ELF1: variants seen among roughly 807,000 people sequenced by gnomAD.
The protein encoded by ELF1 is ETS-related transcription factor Elf-1.
Under a neutral mutation model 59.9 loss-of-function variants are expected in ELF1, and 24 were observed. That is an observed-to-expected ratio of 0.40 (90% CI 0.29 to 0.56). The LOEUF (loss-of-function observed/expected upper bound fraction) is 0.56, where lower values mean the gene tolerates loss of function less well. Ranked by LOEUF, ELF1 falls within the 20% of genes least tolerant of loss-of-function variation. The probability of loss-of-function intolerance (pLI) is 0.44; values close to 1 mark genes in which losing one functional copy is unlikely to be tolerated. For synonymous variants in ELF1, 248 were observed against 266.2 expected (o/e 0.93, Z 0.67); for missense variants, 627 against 742.2 (o/e 0.84, Z 1.80).
rs1871617815 is a variant in ELF1 at position 40,958,768 on chromosome 13, T to C, written c.253+68A>G. 7 of 1,479,970 alleles carry C rather than the reference T, an allele frequency of 4.7e-6. No homozygotes were observed. The South Asian group carries it at 1.0e-4, about 22-fold the overall frequency. The allele number at this position is 1,479,970 out of a possible 1,614,324, so 91.7% of individuals were successfully genotyped here. The stretch of plus-strand genomic sequence containing the variant: ...GTTAGGGGCGTTTTATGCCCCCACA[T>C]CCTCAGGATTAGGACACTGCCTAAA... On this transcript the variant is annotated intron_variant, in intron 3 of 8. Transcript: ENST00000239882.
chr13:40,972,596 A>C (rs769981212), intron 2 of ELF1, among the ~76,000 whole-genome samples: 2 of 152,224 alleles, frequency 1.3e-5, no homozygotes, highest in Non-Finnish European at 2.9e-5. Context: ...TTCTTGATTT[A>C]TCTCAGGTCA....
At chr13:41,029,508 A>G (rs573197670) in intron 1 of ELF1, among the ~76,000 whole-genome samples, 1 of 152,144 alleles carries the variant, frequency 6.6e-6, no homozygotes, top group Admixed American at 6.5e-5. Flanking sequence ...CAGCCTCCCG[A>G]GTAGCTGGGA....
chr13:41,016,977 T>TATATATAC lies in ELF1; in HGVS notation c.-229+2250_-229+2251insGTATATAT, dbSNP rs1875443639. ...ATATATATATATATATATATATATA[T>TATATATAC]ATATGAGCTAAAACTAAAGCAGAAA... On this transcript the variant is annotated intron_variant, in intron 1 of 8. Coordinates refer to ENST00000239882, the MANE Select transcript of ELF1 (RefSeq NM_172373.4). 3.7e-5 allele frequency among the ~76,000 whole-genome samples: 4 copies of TATATATAC among 107,436 alleles called. No homozygotes were observed. The East Asian group carries it at 8.2e-4, about 22-fold the overall frequency. The allele number at this position is 107,436 out of a possible 152,430, so 70.5% of individuals were successfully genotyped here. A position where few individuals can be genotyped will look rare whatever the true frequency, so the allele number is the denominator to read the frequency against.
chr13:40,943,959 C>T (rs1016986168), intron 5 of ELF1, 34 bp from the exon 6 acceptor site: 2 of 1,594,378 alleles, frequency 1.3e-6, no homozygotes. Flanking sequence ...AAATATTTGC[C>T]TTCAAAAGTG....
chr13:40,947,962 C>T (rs1252245426), intron 5 of ELF1, among the ~76,000 whole-genome samples: 1 of 152,154 alleles, frequency 6.6e-6, no homozygotes, highest in Non-Finnish European at 1.5e-5. Context: ...ACTTCCTCTT[C>T]TAGTCAAGAT....
At chr13:41,030,655 G>A (rs1669543277) in intron 1 of ELF1, among the ~76,000 whole-genome samples, 1 of 152,002 alleles carries the variant, frequency 6.6e-6, no homozygotes, top group Admixed American at 6.6e-5. Flanking sequence ...GGAGGCTGAG[G>A]TGGGAAGACT....
At chr13:40,995,546 G>A (rs1294490581) in intron 1 of ELF1, among the ~76,000 whole-genome samples, 1 of 152,078 alleles carries the variant, frequency 6.6e-6, no homozygotes, top group Non-Finnish European at 1.5e-5. Context: ...AGAATAGAGA[G>A]CACGGTTAAT....
chr13:41,036,398 C>T (rs1446344728), intron 1 of ELF1, among the ~76,000 whole-genome samples: 2 of 152,182 alleles, frequency 1.3e-5, no homozygotes, highest in African/African-American at 2.4e-5. Flanking sequence ...TTGGCTATAG[C>T]TAAACTACTC....
intron 1 of ELF1, among the ~76,000 whole-genome samples, chr13:41,010,311 C>A (rs1324194970): frequency 6.7e-6 from 1 of 148,994 alleles, no homozygotes; most frequent in Admixed American, 6.7e-5. Flanking sequence ...AAGAAATTTG[C>A]ACGTCATAGT....
chr13:41,001,737 G>A (rs1874459059), intron 1 of ELF1, among the ~76,000 whole-genome samples: 1 of 152,050 alleles, frequency 6.6e-6, no homozygotes, highest in Non-Finnish European at 1.5e-5. Flanking sequence ...CAGATGCAGT[G>A]GCACGCTCCC....
chr13:41,031,437 T>C (rs1876157142), intron 1 of ELF1, among the ~76,000 whole-genome samples: 1 of 152,148 alleles, frequency 6.6e-6, no homozygotes, highest in Non-Finnish European at 1.5e-5. Context: ...CCATTCCAAT[T>C]CTGACATTTG....
chr13:41,022,902 T>C (rs942672438), upstream of ELF1, among the ~76,000 whole-genome samples: 6 of 151,918 alleles, frequency 3.9e-5, no homozygotes, highest in Non-Finnish European at 2.9e-5. Flanking sequence ...TTGTAACAAA[T>C]ATCCAAGTTC....
At chr13:40,989,216 C>A (rs1166860177) in intron 1 of ELF1, among the ~76,000 whole-genome samples, 1 of 152,128 alleles carries the variant, frequency 6.6e-6, no homozygotes, top group Non-Finnish European at 1.5e-5. Flanking sequence ...CAGATTTGAA[C>A]TTTCCCAAAA....
At chr13:41,052,057 C>T (rs897428497) in intron 1 of ELF1, among the ~76,000 whole-genome samples, 2 of 151,220 alleles carry the variant, frequency 1.3e-5, no homozygotes, top group African/African-American at 4.9e-5. Context: ...TCTCCTGACA[C>T]ACCCTTCAAG....
upstream of ELF1, among the ~76,000 whole-genome samples, chr13:41,023,540 A>T (rs139747642): frequency 6.6e-6 from 1 of 152,230 alleles, no homozygotes; most frequent in African/African-American, 2.4e-5. Flanking sequence ...GTTGATGTTA[A>T]TGCCTCTCAA....
chr13:40,947,838 T>A (rs1358272702), intron 5 of ELF1, among the ~76,000 whole-genome samples: 1 of 152,204 alleles, frequency 6.6e-6, no homozygotes, highest in African/African-American at 2.4e-5. Context: ...TCTCTAAGAA[T>A]CACACATAAC....
chr13:40,983,358 G>C (rs1873386131), intron 1 of ELF1, among the ~76,000 whole-genome samples: 1 of 152,160 alleles, frequency 6.6e-6, no homozygotes, highest in Admixed American at 6.5e-5. Context: ...CTGATCTAGT[G>C]AATCAGTTTC....
intron 3 of ELF1, among the ~76,000 whole-genome samples, chr13:40,954,935 T>G (rs1458515345): frequency 7.6e-6 from 1 of 132,068 alleles, no homozygotes; most frequent in Non-Finnish European, 1.6e-5. Context: ...GGAGCCTCTC[T>G]GCCTGGCTGC....
chr13:41,049,258 G>C (rs1250086163), intron 1 of ELF1, among the ~76,000 whole-genome samples: 2 of 152,106 alleles, frequency 1.3e-5, no homozygotes, highest in African/African-American at 4.8e-5. Context: ...AATTACCCTT[G>C]ACAATTCTCT....
Sources: allele counts gnomAD v4.1 joint callset (sites outside exome capture counted in the v4.1 genomes callset), GRCh38; gene constraint gnomAD v4.1.1; transcripts MANE v1.5; gene names NCBI Gene and HGNC (gene_info 2026-07-23, HGNC 2026-07-21).